DCST1: variants seen among roughly 807,000 people sequenced by gnomAD.
DCST1 encodes the protein E3 ubiquitin-protein ligase DCST1.
In DCST1, 78 loss-of-function variants were observed where a neutral mutation model predicts 89.1. That is an observed-to-expected ratio of 0.88 (90% CI 0.73 to 1.06). The LOEUF (loss-of-function observed/expected upper bound fraction) is 1.06, where lower values mean the gene tolerates loss of function less well. DCST1 is among the 50% of genes least tolerant of loss of function. The pLI, the probability that DCST1 is intolerant of heterozygous loss-of-function variation, is 0.00. For missense variants in DCST1, 900 were observed against 928.6 expected (o/e 0.97, Z 0.40); for synonymous variants, 364 against 371.9 (o/e 0.98, Z 0.24).
chr1:155,048,856 C>A, intron 16 of DCST1: 1 of 577,584 alleles, frequency 1.7e-6, no homozygotes, highest in Non-Finnish European at 3.1e-6. Flanking sequence ...AAGCTCAGTG[C>A]AGTTCAAGGG....
rs1239106339 is a variant in DCST1, at chr1:155,041,847, C to T, written c.882C>T (p.Gly294=). The change falls in exon 8 of 17, where the codon GGC becomes GGT. Residue 294 remains glycine (G), a synonymous_variant. Coordinates refer to ENST00000295542, the MANE Select transcript of DCST1 (RefSeq NM_152494.4). ...CTATGAAGTTCAAGTTCTTCTGTGG[C>T]ATTGCCAAGGGTCTGCACAGTTGCA... ...CLPMKFKFFC[G]IAKVMEVWCR... is the part of the protein sequence containing the mutation. 2 of 1,614,208 alleles carry T rather than the reference C, an allele frequency of 1.2e-6. No individual in the cohort carries two copies. The highest frequency in any genetic ancestry group is 8.5e-7 in the Non-Finnish European group (1 of 1,180,028).
Position 155,040,579 on chromosome 1 carries a change from G to A in DCST1, c.486G>A (p.Trp162Ter). The change falls in exon 6 of 17, where the codon TGG becomes TGA. Residue 162 changes from tryptophan (W) to a stop codon, truncating the protein, a stop_gained. Transcript: ENST00000295542. LOFTEE classifies it high-confidence loss of function. ...ELQINNTRAA[W>*]RISTAPLRAM... ...AGATCAACAACACCCGCGCAGCTTG[G>A]CGCATCTCCACAGCCCCCTTACGGG... 2 of 1,587,416 alleles carry A rather than the reference G, an allele frequency of 1.3e-6. No individual in the cohort carries two copies. Among genetic ancestry groups the A allele is most frequent in the African/African-American group, 2.7e-5 (2 of 74,550 alleles).
At chr1:155,039,333 C>T (rs200189440) in intron 4 of DCST1, 70 bp from the exon 5 acceptor site, 4 of 1,444,288 alleles carry the variant, frequency 2.8e-6, no homozygotes, top group Non-Finnish European at 1.8e-6. Flanking sequence ...CAGGTGGGTG[C>T]TCTGGTAAAC....
intron 8 of DCST1, 87 bp from the exon 9 acceptor site, chr1:155,042,648 A>G: frequency 6.3e-7 from 1 of 1,575,808 alleles, no homozygotes; most frequent in Admixed American, 1.7e-5. Flanking sequence ...AAGCAGGATG[A>G]GGAGGACTAC....
intron 3 of DCST1, 33 bp downstream of exon 3, chr1:155,034,593 A>G: frequency 6.2e-7 from 1 of 1,614,088 alleles, no homozygotes; most frequent in Non-Finnish European, 8.5e-7. Flanking sequence ...CGGGGTGGGC[A>G]GAGGCTGGAC....
At position 155,039,385 on chromosome 1, in the gene DCST1, C is replaced by A; in HGVS notation, c.263-18C>A. ...GCTTCCTCACTTCAGCTCACCACCT[C>A]CTGGGCTCTCCTGACAGGCTTGGGG... On this transcript the variant is annotated intron_variant, in intron 4 of 16. Coordinates refer to ENST00000295542, the MANE Select transcript of DCST1 (RefSeq NM_152494.4). 6.5e-7 allele frequency: 1 copy of A among 1,540,710 alleles called. No individual in the cohort carries two copies. Among genetic ancestry groups the A allele is most frequent in the Middle Eastern group, 2.3e-4 (1 of 4,332 alleles).
At chr1:155,036,285 C>T (rs928292911) in intron 4 of DCST1, among the ~76,000 whole-genome samples, 27 of 152,190 alleles carry the variant, frequency 1.8e-4, no homozygotes, top group African/African-American at 6.5e-4. Context: ...TACTTTTTCT[C>T]TGACCCACTG....
chr1:155,041,574 C>A lies in DCST1; in HGVS notation c.709C>A (p.Gln237Lys). Residue 237 changes from glutamine to lysine, a missense_variant, in exon 7 of 17, where the codon CAG becomes AAG. Transcript: ENST00000295542. ...AGCCTCCAGACTCCACCTGTCGACA[C>A]AGAAGATGTATGAGCTGAAGACCAA... ...APASRLHLSTQKMYELKTKLR... is the reference protein window; with the variant it reads ...APASRLHLSTKKMYELKTKLR... 6.2e-7 allele frequency: 1 copy of A among 1,614,148 alleles called. No individual in the cohort carries two copies. The highest frequency in any genetic ancestry group is 8.5e-7 in the Non-Finnish European group (1 of 1,180,034).
chr1:155,046,317 C>T (rs1244012377), intron 12 of DCST1, 43 bp from the exon 13 acceptor site: 7 of 1,613,968 alleles, frequency 4.3e-6, no homozygotes, highest in Non-Finnish European at 5.9e-6. Context: ...CGTGCCCAGG[C>T]AGATGGCACT....
Position 155,047,788 on chromosome 1 carries a change from C to T in DCST1, c.1614C>T (p.Pro538=). 1 of 1,613,736 alleles carries T rather than the reference C, an allele frequency of 6.2e-7. No individual in the cohort carries two copies. Among genetic ancestry groups the T allele is most frequent in the Non-Finnish European group, 8.5e-7 (1 of 1,179,998 alleles). The change falls in exon 15 of 17, where the codon CCC becomes CCT. Residue 538 remains proline (P), a splice_region_variant and synonymous_variant. Coordinates refer to ENST00000295542, the MANE Select transcript of DCST1 (RefSeq NM_152494.4). ...SETVMESNNM[P]CLPQPVGLDA... is the part of the protein sequence containing the mutation. ...ACCCCTGGCCTGCCCCTCCCCTAGC[C>T]TGCCTGCCCCAGCCTGTGGGCCTGG...
Position 155,041,824 on chromosome 1 carries a change from A to G in DCST1, c.859A>G (p.Met287Val), listed in dbSNP as rs1401983480. ...CCTCACCCACCTGCTCTGCCTGCCT[A>G]TGAAGTTCAAGTTCTTCTGTGGCAT... ...PLLTHLLCLPMKFKFFCGIAK... is the reference protein window; with the variant it reads ...PLLTHLLCLPVKFKFFCGIAK... Residue 287 changes from methionine (M) to valine (V), a missense_variant, in exon 8 of 17, where the codon ATG becomes GTG. Transcript: ENST00000295542. 1.2e-6 allele frequency: 2 copies of G among 1,614,218 alleles called. No individual in the cohort carries two copies. Among genetic ancestry groups the G allele is most frequent in the South Asian group, 1.1e-5 (1 of 91,086 alleles).
At chr1:155,044,173 T>A (rs1660529536) in intron 10 of DCST1, among the ~76,000 whole-genome samples, 1 of 152,194 alleles carries the variant, frequency 6.6e-6, no homozygotes. Context: ...GAAGGAGCTC[T>A]ATTCCTGCCC....
chr1:155,041,617 A>C lies in DCST1; in HGVS notation c.748+4A>C. ...AAGACCAAGCTGCGTTGCTCCTGTG[A>C]GGGGTATCCCTGGGGAGTGGAGGGT... On this transcript the variant is annotated splice_donor_region_variant and intron_variant, in intron 7 of 16. Transcript: ENST00000295542. The C allele has an allele frequency of 6.3e-7, 1 of 1,577,376 alleles. No individual in the cohort carries two copies. Among genetic ancestry groups the C allele is most frequent in the Non-Finnish European group, 8.7e-7 (1 of 1,155,922 alleles).
intron 4 of DCST1, 153 bp downstream of exon 4, chr1:155,034,880 G>A: frequency 1.3e-6 from 1 of 767,020 alleles, no homozygotes; most frequent in Non-Finnish European, 2.1e-6. Context: ...GAGGTCCAGA[G>A]GGAAGAGGCT....
At chr1:155,049,194 T>C (rs1180388786) in intron 16 of DCST1, 2 of 633,054 alleles carry the variant, frequency 3.2e-6, no homozygotes, top group Non-Finnish European at 5.9e-6. Flanking sequence ...CTGCTGTGCC[T>C]GGGCTTTTGC....
At chr1:155,034,306 GT>G in intron 2 of DCST1, 128 bp from the exon 3 acceptor site, 1 of 1,599,028 alleles carries the variant, frequency 6.3e-7, no homozygotes, top group Non-Finnish European at 8.5e-7. Flanking sequence ...CTCCTCCAGG[GT>G]CCCCTAAGTT....
Position 155,043,399 on chromosome 1 carries a change from C to G in DCST1, c.1062C>G (p.Arg354=), listed in dbSNP as rs371321788. 1.2e-6 allele frequency: 2 copies of G among 1,613,970 alleles called. No homozygotes were observed. Among genetic ancestry groups the G allele is most frequent in the Non-Finnish European group, 1.7e-6 (2 of 1,179,936 alleles). Residue 354 remains arginine (R), a synonymous_variant, in exon 10 of 17, where the codon CGC becomes CGG. Coordinates refer to ENST00000295542, the MANE Select transcript of DCST1 (RefSeq NM_152494.4). ...TGGGGCTCAACACAAGCTGGGAGCGCGTGAGCACCGAGGTGCGGGACTACG... is the reference window on the plus strand; with the variant it reads ...TGGGGCTCAACACAAGCTGGGAGCGGGTGAGCACCGAGGTGCGGGACTACG... The part of the protein sequence containing the change: ...GVLGLNTSWE[R]VSTEVRDYVY...
chr1:155,047,322 G>A lies in DCST1; in HGVS notation c.1612+10G>A. On this transcript the variant is annotated intron_variant, in intron 14 of 16. Transcript: ENST00000295542. ...GAATCAAACAACATGCGTGAGTGAT[G>A]CTGAAAGTTTGGATCAGAGGAATCG... 4.4e-6 allele frequency: 7 copies of A among 1,607,002 alleles called. No homozygotes were observed. The highest frequency in any genetic ancestry group is 6.0e-6 in the Non-Finnish European group (7 of 1,174,094).
At position 155,050,656 on chromosome 1, in the gene DCST1, C is replaced by T; in HGVS notation, c.1909C>T (p.Leu637Phe). The change falls in exon 17 of 17, where the codon CTC becomes TTC. Residue 637 changes from leucine (L) to phenylalanine (F), a missense_variant. Coordinates refer to ENST00000295542, the MANE Select transcript of DCST1 (RefSeq NM_152494.4). ...GGATATCCTGCACCGCGGCTGCCCG[C>T]TCCTGCGCCGCTGGCTGTGCCGGCG... The part of the protein sequence containing the change: ...LADILHRGCP[L>F]LRRWLCRRCV... 6.3e-7 allele frequency: 1 copy of T among 1,599,490 alleles called. No individual in the cohort carries two copies. The highest frequency in any genetic ancestry group is 2.3e-5 in the East Asian group (1 of 44,388).
Sources: allele counts gnomAD v4.1 joint callset (sites outside exome capture counted in the v4.1 genomes callset), GRCh38; gene constraint gnomAD v4.1.1; transcripts MANE v1.5; gene names NCBI Gene and HGNC (gene_info 2026-07-23, HGNC 2026-07-21).